The following ADCK1 variants were observed in gnomAD, a reference collection of about 807,000 sequenced individuals.
ADCK1 encodes aarF domain-containing protein kinase 1.
ADCK1 carries 41 observed loss-of-function variants against 52.3 expected under a neutral mutation model. That is an observed-to-expected ratio of 0.78 (90% CI 0.61 to 1.02). The LOEUF is 1.02. Among genes scored for constraint, ADCK1 ranks in the 50% least tolerant of loss-of-function variants. ADCK1 has a pLI of 0.00. For missense variants in ADCK1, 658 were observed against 679.5 expected, an observed-to-expected ratio of 0.97 and a Z score of 0.35; for synonymous variants, 250 against 274.6, an observed-to-expected ratio of 0.91 and a Z score of 0.89.
At chr14:77,837,029 C>G (rs1030191204) in intron 3 of ADCK1, among the ~76,000 whole-genome samples, 5 of 151,972 alleles carry the variant, frequency 3.3e-5, no homozygotes, top group Non-Finnish European at 7.4e-5. Context: ...ACCTTGTGAT[C>G]CACCTGCCTT....
At chr14:77,832,984 TAC>T (rs1197450974) in intron 3 of ADCK1, among the ~76,000 whole-genome samples, 1 of 152,174 alleles carries the variant, frequency 6.6e-6, no homozygotes, top group Admixed American at 6.5e-5. Context: ...CTGTGTCAGG[TAC>T]AGGGTGAGGC....
chr14:77,857,555 A>T (rs1220714720), intron 3 of ADCK1, among the ~76,000 whole-genome samples: 1 of 152,072 alleles, frequency 6.6e-6, no homozygotes, highest in African/African-American at 2.4e-5. Flanking sequence ...CTGGTTTGTT[A>T]TCTGTTTTTC....
intron 3 of ADCK1, among the ~76,000 whole-genome samples, chr14:77,822,830 C>T (rs891628450): frequency 2.6e-5 from 4 of 152,132 alleles, no homozygotes; most frequent in African/African-American, 4.8e-5. Context: ...CTGAGGGGTG[C>T]TGTCAGACTG....
rs978180037 is a variant in ADCK1 at position 77,901,219 on chromosome 14, A to AT, written c.741+1972dup. 1.2e-3 allele frequency among the ~76,000 whole-genome samples: 178 copies of AT among 143,210 alleles called. 1 individual carries two copies. The highest frequency in any genetic ancestry group is 3.6e-3 in the East Asian group (18 of 4,958). The allele number at this position is 143,210 out of a possible 152,430, so 94.0% of individuals were successfully genotyped here. ...GCCACCATGCCTTACTAATATTTGT[A>AT]TTTTTTTTTTTAGTAGAGATGGGGT... is the stretch of plus-strand genomic sequence containing the variant. On this transcript the variant is annotated intron_variant, in intron 6 of 10. Transcript: ENST00000238561.
intron 8 of ADCK1, among the ~76,000 whole-genome samples, chr14:77,925,248 A>G (rs1173263129): frequency 3.3e-5 from 5 of 152,238 alleles, no homozygotes; most frequent in African/African-American, 7.2e-5. Flanking sequence ...TGTGGCCCCA[A>G]AATGATGGCC....
chr14:77,898,065 C>T (rs544308953), intron 5 of ADCK1, among the ~76,000 whole-genome samples: 1 of 152,140 alleles, frequency 6.6e-6, no homozygotes, highest in Non-Finnish European at 1.5e-5. Context: ...TGAGACCAAC[C>T]TGGGCAACAC....
intron 1 of ADCK1, among the ~76,000 whole-genome samples, chr14:77,814,695 CAAAAAAAAA>C (rs995163952): frequency 2.8e-5 from 1 of 35,922 alleles, no homozygotes; most frequent in Non-Finnish European, 5.5e-5. Flanking sequence ...AAGACACTCT[CAAAAAAAAA>C]AAAAAAAAAA....
At chr14:77,864,359 C>G (rs2082617787) in intron 4 of ADCK1, among the ~76,000 whole-genome samples, 2 of 152,170 alleles carry the variant, frequency 1.3e-5, no homozygotes, top group African/African-American at 4.8e-5. Context: ...AACTGTTTAT[C>G]CAACTTGTTG....
chr14:77,929,804 CTACAGG>C (rs2084284430), intron 9 of ADCK1, among the ~76,000 whole-genome samples: 1 of 152,102 alleles, frequency 6.6e-6, no homozygotes, highest in African/African-American at 2.4e-5. Context: ...GTAGCTGGGA[CTACAGG>C]TGTATGCCAC....
At chr14:77,855,337 G>A (rs548141006) in intron 3 of ADCK1, among the ~76,000 whole-genome samples, 8 of 152,352 alleles carry the variant, frequency 5.3e-5, no homozygotes, top group Admixed American at 5.2e-4. Flanking sequence ...CCTATGAGGT[G>A]TAGGTACTAT....
At chr14:77,926,551 G>A (rs772131013) in intron 9 of ADCK1, among the ~76,000 whole-genome samples, 2 of 152,204 alleles carry the variant, frequency 1.3e-5, no homozygotes, top group Non-Finnish European at 2.9e-5. Context: ...CATGATATCG[G>A]CTCACTGCAA....
chr14:77,819,979 G>C lies in ADCK1; in HGVS notation c.135+866G>C, dbSNP rs957334983. On this transcript the variant is annotated intron_variant, in intron 2 of 10. Coordinates refer to ENST00000238561, the MANE Select transcript of ADCK1 (RefSeq NM_020421.4). Reference sequence around the variant, plus strand: ...CCTGTCTTCAAGGCTGAGCTGAGTCGTAGAACCAATACTGACAGATAGACT... The same window carrying C: ...CCTGTCTTCAAGGCTGAGCTGAGTCCTAGAACCAATACTGACAGATAGACT... Among the ~76,000 whole-genome samples the C allele has an allele frequency of 2.0e-5, 3 of 152,186 alleles. No homozygotes were observed. In the East Asian group the frequency reaches 5.8e-4, roughly 29 times the overall value.
chr14:77,826,363 C>T lies in ADCK1; in HGVS notation c.219+3845C>T, dbSNP rs1364691424. ...CTCCAGGTCTCAGAGTATGTCAGAG[C>T]CAGGAGGCTAGCTTCGGCAGGCGGT... On this transcript the variant is annotated intron_variant, in intron 3 of 10. Coordinates refer to ENST00000238561, the MANE Select transcript of ADCK1 (RefSeq NM_020421.4). Among the ~76,000 whole-genome samples the T allele has an allele frequency of 6.8e-5, 5 of 73,806 alleles. No individual in the cohort carries two copies. In the East Asian group the frequency reaches 1.3e-3, roughly 19 times the overall value. 48.4% of individuals were successfully genotyped at this position (73,806 alleles called of 152,430 possible).
intron 6 of ADCK1, 21 bp downstream of exon 6, chr14:77,899,279 C>A (rs1364083782): frequency 1.2e-6 from 2 of 1,613,472 alleles, no homozygotes; most frequent in Non-Finnish European, 1.7e-6. Flanking sequence ...CGATGCAATG[C>A]AGGGTATGGT....
chr14:77,899,662 G>A (rs1004196320), intron 6 of ADCK1, among the ~76,000 whole-genome samples: 2 of 152,146 alleles, frequency 1.3e-5, no homozygotes, highest in African/African-American at 4.8e-5. Context: ...CATACAGTTG[G>A]TTCTTCTGTA....
At chr14:77,896,457 TG>T (rs2083410972) in intron 5 of ADCK1, among the ~76,000 whole-genome samples, 1 of 152,264 alleles carries the variant, frequency 6.6e-6, no homozygotes, top group South Asian at 2.1e-4. Context: ...CGAGACCCTC[TG>T]GAGTTGAGAT....
intron 3 of ADCK1, among the ~76,000 whole-genome samples, chr14:77,851,488 G>C (rs752695354): frequency 6.6e-5 from 10 of 152,234 alleles, no homozygotes; most frequent in Non-Finnish European, 1.2e-4. Flanking sequence ...TAGTTGATAA[G>C]GTTGGATTTA....
At chr14:77,803,656 T>G (rs1184089157) in intron 1 of ADCK1, among the ~76,000 whole-genome samples, 1 of 152,208 alleles carries the variant, frequency 6.6e-6, no homozygotes, top group Non-Finnish European at 1.5e-5. Context: ...AAACATTTGA[T>G]AGACTGAAAT....
rs544914019 is a variant in ADCK1 at position 77,877,977 on chromosome 14, C to G, written c.424-9114C>G. Among the ~76,000 whole-genome samples the G allele has an allele frequency of 7.8e-5, 10 of 128,766 alleles. No individual in the cohort carries two copies. The East Asian group carries it at 2.6e-3, about 33-fold the overall frequency. 84.5% of individuals were successfully genotyped at this position (128,766 alleles called of 152,430 possible). A position where few individuals can be genotyped will look rare whatever the true frequency, so the allele number is the denominator to read the frequency against. On this transcript the variant is annotated intron_variant, in intron 4 of 10. Transcript: ENST00000238561. ...TCAGATCTCTGCTGTTTGTCATCTT[C>G]TCAGAGAAGCTCTCTCTGCTCTCCC...
Sources: allele counts gnomAD v4.1 joint callset (sites outside exome capture counted in the v4.1 genomes callset), GRCh38; gene constraint gnomAD v4.1.1; transcripts MANE v1.5; gene names NCBI Gene and HGNC (gene_info 2026-07-23, HGNC 2026-07-21).